Variants in CSNK1G1 observed in about 807,000 individuals in gnomAD.
The protein encoded by CSNK1G1 is casein kinase I isoform gamma-1.
CSNK1G1 carries 22 observed loss-of-function variants against 59.6 expected under a neutral mutation model. The observed-to-expected ratio is 0.37, with a 90% CI of 0.26 to 0.53. The LOEUF (loss-of-function observed/expected upper bound fraction) is 0.53. Ranked by LOEUF, CSNK1G1 falls within the 20% of genes least tolerant of loss-of-function variation. CSNK1G1 has a pLI of 0.89. For synonymous variants in CSNK1G1, 179 were observed against 177.1 expected (o/e 1.01, Z -0.08); for missense variants, 384 against 519.5 (o/e 0.74, Z 2.54).
Position 64,251,450 on chromosome 15 carries a change from A to G in CSNK1G1, c.292+62T>C, listed in dbSNP as rs1268688121. 1.4e-5 allele frequency: 17 copies of G among 1,231,604 alleles called. No individual in the cohort carries two copies. The South Asian group carries it at 1.7e-4, about 12-fold the overall frequency. 76.3% of individuals were successfully genotyped at this position (1,231,604 alleles called of 1,614,324 possible). The stretch of plus-strand genomic sequence containing the variant: ...GGGCAAACCAGACAAAAAAATTTGT[A>G]TATTTTAGGGCTTCCAGCTAAGATA... On this transcript the variant is annotated intron_variant, in intron 4 of 11. Coordinates refer to ENST00000303052, the MANE Select transcript of CSNK1G1 (RefSeq NM_022048.5).
intron 1 of CSNK1G1, among the ~76,000 whole-genome samples, chr15:64,320,970 G>A (rs1241827712): frequency 6.6e-6 from 1 of 151,428 alleles, no homozygotes; most frequent in African/African-American, 2.4e-5. Context: ...AAAATATCCT[G>A]TTTAAGATTA....
chr15:64,266,010 G>C (rs1892963933), intron 2 of CSNK1G1: 2 of 311,886 alleles, frequency 6.4e-6, no homozygotes, highest in African/African-American at 4.4e-5. Context: ...TTTGAGTCTA[G>C]GATCTTTGAG....
At chr15:64,175,383 C>T (rs1021925792) in intron 11 of CSNK1G1, among the ~76,000 whole-genome samples, 4 of 152,034 alleles carry the variant, frequency 2.6e-5, no homozygotes, top group African/African-American at 7.3e-5. Flanking sequence ...TGACTTTATG[C>T]GTGCGGACAA....
intron 1 of CSNK1G1, among the ~76,000 whole-genome samples, chr15:64,317,757 C>T (rs75350890): frequency 0.014 from 2,080 of 152,232 alleles, 12 homozygotes; most frequent in Non-Finnish European, 0.019. Flanking sequence ...TTTAGTCTCC[C>T]GAAGTGCTGG....
In CSNK1G1 at chr15:64,188,629, G is replaced by T; in HGVS notation, c.1108-8175C>A. ...TTAAACTAACAACCACTGGAAAGCAGTGAGGAAAAGTAAGCTTGTCTACAT... is the reference window on the plus strand; with the variant it reads ...TTAAACTAACAACCACTGGAAAGCATTGAGGAAAAGTAAGCTTGTCTACAT... On this transcript the variant is annotated intron_variant, in intron 10 of 11. Coordinates refer to ENST00000303052, the MANE Select transcript of CSNK1G1 (RefSeq NM_022048.5). The surrounding 1 kb of genome is among the most constrained non-coding windows in gnomAD (Gnocchi z 4.2). 1 of 641,346 alleles carries T rather than the reference G, an allele frequency of 1.6e-6. No individual in the cohort carries two copies. Among genetic ancestry groups the T allele is most frequent in the Non-Finnish European group, 2.7e-6 (1 of 367,602 alleles). The allele number at this position is 641,346 out of a possible 1,614,324, so 39.7% of individuals were successfully genotyped here.
intron 4 of CSNK1G1, among the ~76,000 whole-genome samples, chr15:64,250,986 A>AT: frequency 6.6e-6 from 1 of 152,290 alleles, no homozygotes; most frequent in South Asian, 2.1e-4. Context: ...AAAAACAAAC[A>AT]TTTTTTACAG....
chr15:64,254,510 C>A (rs946174919), intron 3 of CSNK1G1, among the ~76,000 whole-genome samples: 1 of 152,040 alleles, frequency 6.6e-6, no homozygotes, highest in Non-Finnish European at 1.5e-5. Context: ...CACCACCACA[C>A]CTGGCTAATT....
rs12900715 is a variant in CSNK1G1 at position 64,261,111 on chromosome 15, T to C, written c.182-1870A>G. ...TGTTCCCACCAAAGCCATTTTAAAATATATTTCATGAAATTATAAAAAGGA... is the reference window on the plus strand; with the variant it reads ...TGTTCCCACCAAAGCCATTTTAAAACATATTTCATGAAATTATAAAAAGGA... On this transcript the variant is annotated intron_variant, in intron 2 of 11. Transcript: ENST00000303052. Among the ~76,000 whole-genome samples, 443 of 152,270 alleles carry C rather than the reference T, an allele frequency of 2.9e-3. 1 individual carries two copies. The highest frequency in any genetic ancestry group is 4.6e-3 in the Non-Finnish European group (310 of 68,016).
chr15:64,288,754 A>G (rs1894569266), intron 2 of CSNK1G1, among the ~76,000 whole-genome samples: 1 of 152,116 alleles, frequency 6.6e-6, no homozygotes. Context: ...AGTAGGCCAT[A>G]AGTTCAGACA....
chr15:64,209,128 A>C (rs2082219874), intron 6 of CSNK1G1, among the ~76,000 whole-genome samples: 1 of 152,134 alleles, frequency 6.6e-6, no homozygotes, highest in South Asian at 2.1e-4. Context: ...CCAATCAAGC[A>C]ATCAACCAGC....
chr15:64,321,897 T>C (rs1214002202), intron 1 of CSNK1G1, among the ~76,000 whole-genome samples: 1 of 152,216 alleles, frequency 6.6e-6, no homozygotes, highest in East Asian at 1.9e-4. Context: ...TTTTCTATAG[T>C]TCCCGCTAAG....
At chr15:64,225,406 C>T (rs1278164428) in intron 4 of CSNK1G1, among the ~76,000 whole-genome samples, 2 of 152,144 alleles carry the variant, frequency 1.3e-5, no homozygotes, top group African/African-American at 2.4e-5. Context: ...ACCTCCCCTC[C>T]CCTATGTCAG....
At chr15:64,283,584 C>A (rs547358666) in intron 2 of CSNK1G1, among the ~76,000 whole-genome samples, 4 of 151,120 alleles carry the variant, frequency 2.6e-5, no homozygotes, top group Admixed American at 2.0e-4. Context: ...TCAAGTGATC[C>A]ACACACCTCT....
At chr15:64,326,643 C>CA (rs780561572) in intron 1 of CSNK1G1, among the ~76,000 whole-genome samples, 111 of 137,984 alleles carry the variant, frequency 8.0e-4, no homozygotes, top group East Asian at 4.0e-3. Context: ...AACTCTGTAT[C>CA]AAAAAAAAAA....
At chr15:64,265,935 T>C (rs990814308) in intron 2 of CSNK1G1, 1 of 423,500 alleles carries the variant, frequency 2.4e-6, no homozygotes, top group African/African-American at 2.1e-5. Flanking sequence ...AAATTTTTAA[T>C]TAGCCAGGTG....
intron 7 of CSNK1G1, among the ~76,000 whole-genome samples, chr15:64,207,141 C>T (rs554083638): frequency 6.6e-6 from 1 of 152,208 alleles, no homozygotes; most frequent in Non-Finnish European, 1.5e-5. Flanking sequence ...AATTAAGAAA[C>T]GGAAGACAAA....
chr15:64,218,274 G>A (rs2082337894), intron 4 of CSNK1G1, among the ~76,000 whole-genome samples: 1 of 152,018 alleles, frequency 6.6e-6, no homozygotes, highest in African/African-American at 2.4e-5. Context: ...ATTTCTATGG[G>A]TGGGATATAG....
rs540881138 is a variant in CSNK1G1 at position 64,256,387 on chromosome 15, A to C, written c.222+2814T>G. On this transcript the variant is annotated intron_variant, in intron 3 of 11. Transcript: ENST00000303052. The stretch of plus-strand genomic sequence containing the variant: ...AGCCAAGCTAGTAAATTAAAAATGC[A>C]AAACTCCATAGAGTTCAAGGGTTGA... Among the ~76,000 whole-genome samples, 27 of 152,380 alleles carry C rather than the reference A, an allele frequency of 1.8e-4. No homozygotes were observed. The South Asian group carries it at 3.7e-3, about 21-fold the overall frequency.
chr15:64,239,364 G>GT (rs1004189913), intron 4 of CSNK1G1, among the ~76,000 whole-genome samples: 1 of 151,758 alleles, frequency 6.6e-6, no homozygotes, highest in Non-Finnish European at 1.5e-5. Flanking sequence ...GTTGTTGTAT[G>GT]TTTTTTTTCT....
Sources: gnomAD v4.1 joint callset for allele counts (sites outside exome capture counted in the v4.1 genomes callset) on GRCh38, gnomAD v4.1.1 for gene constraint, Gnocchi (gnomAD v3.1) non-coding constraint, MANE v1.5 for transcripts, NCBI Gene and HGNC (gene_info 2026-07-23, HGNC 2026-07-21) for gene names.